ZNF761: variants seen among roughly 807,000 people sequenced by gnomAD.
ZNF761 encodes zinc finger protein 761.
Under a neutral mutation model 59.9 loss-of-function variants are expected in ZNF761, and 43 were observed. The ratio of observed to expected loss-of-function variants is 0.72; its 90% CI spans 0.56 to 0.92. The LOEUF is 0.92. Among genes scored for constraint, ZNF761 ranks in the 40% least tolerant of loss-of-function variants. The pLI is 0.00. For synonymous variants in ZNF761, 294 were observed against 304.8 expected (o/e 0.96, Z 0.37); for missense variants, 850 against 906.1 (o/e 0.94, Z 0.79).
chr19:53,452,532 G>GCC (rs2086230808), intron 4 of ZNF761, among the ~76,000 whole-genome samples: 1 of 152,058 alleles, frequency 6.6e-6, no homozygotes, highest in African/African-American at 2.4e-5. Flanking sequence ...ACACTCCAAT[G>GCC]TGGGTGACAG....
At chr19:53,454,064 CTTGG>C (rs1193402327) in intron 4 of ZNF761, among the ~76,000 whole-genome samples, 4 of 152,036 alleles carry the variant, frequency 2.6e-5, no homozygotes, top group Non-Finnish European at 5.9e-5. Flanking sequence ...ACCTCTGCCC[CTTGG>C]GTTCAAACAA....
chr19:53,449,063 G>A (rs2086190799), intron 3 of ZNF761, among the ~76,000 whole-genome samples: 1 of 152,204 alleles, frequency 6.6e-6, no homozygotes, highest in African/African-American at 2.4e-5. Context: ...CGGGCGCGGT[G>A]GATCACGCAT....
In ZNF761 at chr19:53,445,513, C is replaced by G. The variant is rs904776328; in HGVS notation, c.-184-714C>G. Among the ~76,000 whole-genome samples, 97 of 151,952 alleles carry G rather than the reference C, an allele frequency of 6.4e-4. 1 individual carries two copies. Among genetic ancestry groups the G allele is most frequent in the African/African-American group, 2.0e-3 (82 of 41,440 alleles). ...TTCCCTGCTCTGAGCCCCAGTGAGCCTCCCTGCAACTTGGAGATGAGGGGC... is the reference window on the plus strand; with the variant it reads ...TTCCCTGCTCTGAGCCCCAGTGAGCGTCCCTGCAACTTGGAGATGAGGGGC... On this transcript the variant is annotated intron_variant, in intron 1 of 4. Transcript: ENST00000684525.
rs114324659 is a variant in ZNF761, at chr19:53,449,917, C to T, written c.142+279C>T. The T allele has an allele frequency of 2.7e-3, 1,731 of 647,254 alleles. 32 individuals carry two copies. In the African/African-American group the frequency reaches 0.028, roughly 10 times the overall value. 40.1% of individuals were successfully genotyped at this position (647,254 alleles called of 1,614,324 possible). On this transcript the variant is annotated intron_variant, in intron 4 of 4. Coordinates refer to ENST00000684525, the MANE Select transcript of ZNF761 (RefSeq NM_001289951.2). ...GTGTTGTTGAAATTCATCTTGATCTCCTGAGCTCAAGAGATCCTCCTCAGT... is the reference window on the plus strand; with the variant it reads ...GTGTTGTTGAAATTCATCTTGATCTTCTGAGCTCAAGAGATCCTCCTCAGT...
At chr19:53,453,562 GAC>G (rs983471746) in intron 4 of ZNF761, among the ~76,000 whole-genome samples, 3 of 152,112 alleles carry the variant, frequency 2.0e-5, no homozygotes, top group African/African-American at 7.2e-5. Flanking sequence ...CAATATAACT[GAC>G]ACAGTCCACT....
Position 53,456,008 on chromosome 19 carries a change from A to G in ZNF761, c.1501A>G (p.Lys501Glu). ...ACCATACAAGTGTAATGAGTGTGGC[A>G]AGACCTTTAGTCGGAAGTCATACCT... ...EKPYKCNECG[K>E]TFSRKSYLTC... The change falls in exon 5 of 5, where the codon AAG becomes GAG. Residue 501 changes from lysine to glutamate, a missense_variant. Transcript: ENST00000684525. 1 of 1,614,052 alleles carries G rather than the reference A, an allele frequency of 6.2e-7. No individual in the cohort carries two copies. The highest frequency in any genetic ancestry group is 8.5e-7 in the Non-Finnish European group (1 of 1,179,958).
chr19:53,448,670 C>T lies in ZNF761; in HGVS notation c.16-842C>T, dbSNP rs374812156. On this transcript the variant is annotated intron_variant, in intron 3 of 4. Transcript: ENST00000684525. ...TGGTGCCCAGGCTGGAGCACAGTGA[C>T]GTGATCTTAGCTCACTGCAACCTCC... Among the ~76,000 whole-genome samples, 259 of 151,866 alleles carry T rather than the reference C, an allele frequency of 1.7e-3. 1 individual carries two copies. Among genetic ancestry groups the T allele is most frequent in the Non-Finnish European group, 3.0e-3 (206 of 67,912 alleles).
chr19:53,455,437 A>G lies in ZNF761; in HGVS notation c.930A>G (p.Lys310=). ...CEECDKAFHF[K]SILERHRIIH... ...AATGTGACAAAGCTTTCCATTTCAAATCAATACTTGAAAGACATAGGATAA... is the reference window on the plus strand; with the variant it reads ...AATGTGACAAAGCTTTCCATTTCAAGTCAATACTTGAAAGACATAGGATAA... Residue 310 remains lysine, a synonymous_variant, in exon 5 of 5, where the codon AAA becomes AAG. Coordinates refer to ENST00000684525, the MANE Select transcript of ZNF761 (RefSeq NM_001289951.2). 1 of 1,612,690 alleles carries G rather than the reference A, an allele frequency of 6.2e-7. No homozygotes were observed. Among genetic ancestry groups the G allele is most frequent in the Non-Finnish European group, 8.5e-7 (1 of 1,179,802 alleles).
chr19:53,452,750 A>T (rs1174579724), intron 4 of ZNF761, among the ~76,000 whole-genome samples: 3 of 152,208 alleles, frequency 2.0e-5, no homozygotes, highest in African/African-American at 4.8e-5. Context: ...AGGAACAGGC[A>T]ACGAGCTCTT....
intron 1 of ZNF761, chr19:53,444,949 A>G (rs1437925138): frequency 6.5e-6 from 1 of 152,704 alleles, no homozygotes; most frequent in Admixed American, 6.6e-5. Flanking sequence ...ACGCTGTTCT[A>G]AAAGCACCCA....
intron 4 of ZNF761, among the ~76,000 whole-genome samples, chr19:53,454,223 G>A (rs1360066693): frequency 6.6e-6 from 1 of 152,140 alleles, no homozygotes. Flanking sequence ...CCTTACATGA[G>A]CTTGTTGTGG....
intron 1 of ZNF761, chr19:53,444,752 C>G (rs1355131850): frequency 6.6e-6 from 1 of 152,196 alleles, no homozygotes; most frequent in Non-Finnish European, 1.5e-5. Flanking sequence ...GAGGGACTGG[C>G]CCCCCTTCAG....
chr19:53,455,796 A>T lies in ZNF761; in HGVS notation c.1289A>T (p.Lys430Ile), dbSNP rs1201310273. ...SFRSNFEIHR[K>I]IHTEDNAYKC... ...AGATCAAATTTTGAAATACATCGGA[A>T]AATTCATACTGAAGACAATGCTTAC... The change falls in exon 5 of 5, where the codon AAA (lysine) becomes ATA (isoleucine). Residue 430 changes from lysine to isoleucine, a missense_variant. Coordinates refer to ENST00000684525, the MANE Select transcript of ZNF761 (RefSeq NM_001289951.2). The T allele has an allele frequency of 6.2e-7, 1 of 1,613,108 alleles. No homozygotes were observed. The highest frequency in any genetic ancestry group is 1.7e-5 in the Admixed American group (1 of 59,930).
chr19:53,447,929 G>T (rs1394761297), intron 3 of ZNF761, among the ~76,000 whole-genome samples: 1 of 152,148 alleles, frequency 6.6e-6, no homozygotes, highest in East Asian at 1.9e-4. Flanking sequence ...GGAGACTGTG[G>T]TGTTACCGTG....
intron 1 of ZNF761, among the ~76,000 whole-genome samples, chr19:53,439,108 CA>C (rs978098083): frequency 9.9e-5 from 15 of 151,870 alleles, no homozygotes; most frequent in African/African-American, 3.4e-4. Flanking sequence ...CTGTCTTTAC[CA>C]AAAATACAAA....
chr19:53,442,312 A>G (rs1184832605), intron 1 of ZNF761: 2 of 1,241,378 alleles, frequency 1.6e-6, no homozygotes, highest in African/African-American at 2.9e-5. Flanking sequence ...GAGCTGGCAG[A>G]GTCCCGTTGC....
chr19:53,438,911 T>C (rs189971752), intron 1 of ZNF761, among the ~76,000 whole-genome samples: 11 of 152,334 alleles, frequency 7.2e-5, no homozygotes, highest in East Asian at 5.8e-4. Context: ...GTCTATGTAC[T>C]GCAACAAGGC....
chr19:53,456,890 C>A lies in ZNF761; in HGVS notation c.*142C>A. On this transcript the variant is annotated 3_prime_UTR_variant, in exon 5 of 5. Coordinates refer to ENST00000684525, the MANE Select transcript of ZNF761 (RefSeq NM_001289951.2). ...GCCTCAGAAGACAGGAGAATTCATACTGGAGAGAAAGCTTATAAATGTGAA... is the reference window on the plus strand; with the variant it reads ...GCCTCAGAAGACAGGAGAATTCATAATGGAGAGAAAGCTTATAAATGTGAA... 1.0e-6 allele frequency: 1 copy of A among 967,804 alleles called. No homozygotes were observed. Among genetic ancestry groups the A allele is most frequent in the Non-Finnish European group, 1.6e-6 (1 of 634,256 alleles). 60.0% of individuals were successfully genotyped at this position (967,804 alleles called of 1,614,324 possible).
At chr19:53,445,571 T>C (rs2617746) in intron 1 of ZNF761, among the ~76,000 whole-genome samples, 1 of 151,676 alleles carries the variant, frequency 6.6e-6, no homozygotes, top group South Asian at 2.1e-4. Flanking sequence ...AGTGACCCAG[T>C]CCCCTGAAAT....
Sources: allele counts gnomAD v4.1 joint callset (sites outside exome capture counted in the v4.1 genomes callset), GRCh38; gene constraint gnomAD v4.1.1; transcripts MANE v1.5; gene names NCBI Gene and HGNC (gene_info 2026-07-23, HGNC 2026-07-21).